PKNOX2: variants seen among roughly 807,000 people sequenced by gnomAD.
PKNOX2 encodes homeobox protein PKNOX2.
In PKNOX2, 14 loss-of-function variants were observed where a neutral mutation model predicts 53.1. The observed-to-expected ratio is 0.26, with a 90% CI of 0.17 to 0.41. PKNOX2 has a LOEUF of 0.41. Among genes scored for constraint, PKNOX2 ranks in the 10% least tolerant of loss-of-function variants. The pLI is 1.00. For missense variants in PKNOX2, 496 were observed against 602.8 expected, an observed-to-expected ratio of 0.82 and a Z score of 1.85; for synonymous variants, 257 against 242.8, an observed-to-expected ratio of 1.06 and a Z score of -0.54.
At chr11:125,301,736 C>T (rs1449883918) in intron 2 of PKNOX2, among the ~76,000 whole-genome samples, 2 of 151,978 alleles carry the variant, frequency 1.3e-5, no homozygotes, top group Non-Finnish European at 2.9e-5. Flanking sequence ...TCAGCTTGGG[C>T]ACAAGGCAGG....
chr11:125,275,026 A>G (rs1168914200), intron 2 of PKNOX2, among the ~76,000 whole-genome samples: 2 of 152,254 alleles, frequency 1.3e-5, no homozygotes, highest in Non-Finnish European at 2.9e-5. Context: ...TTGTAGGTTC[A>G]GAGAATAGTG....
chr11:125,376,820 A>T (rs965315156), intron 5 of PKNOX2, among the ~76,000 whole-genome samples: 15 of 152,238 alleles, frequency 9.9e-5, no homozygotes, highest in African/African-American at 3.1e-4. Context: ...GCCATGAGGA[A>T]GACAGTCCTG....
At chr11:125,178,446 G>T (rs2135247586) in intron 1 of PKNOX2, among the ~76,000 whole-genome samples, 1 of 151,158 alleles carries the variant, frequency 6.6e-6, no homozygotes, top group East Asian at 1.9e-4. Flanking sequence ...GGGAGGCGGA[G>T]GTTGCGGTGA....
chr11:125,400,607 G>T (rs992830143), intron 7 of PKNOX2, among the ~76,000 whole-genome samples: 1 of 152,118 alleles, frequency 6.6e-6, no homozygotes, highest in South Asian at 2.1e-4. Flanking sequence ...CTGTCTGTTC[G>T]GGTGACACCT....
At chr11:125,299,961 AG>A (rs1947926673) in intron 2 of PKNOX2, among the ~76,000 whole-genome samples, 1 of 152,216 alleles carries the variant, frequency 6.6e-6, no homozygotes, top group Non-Finnish European at 1.5e-5. Context: ...GCTTGATAGA[AG>A]GTGAGCCTTA....
chr11:125,271,455 C>T (rs536738026), intron 2 of PKNOX2, among the ~76,000 whole-genome samples: 13 of 152,184 alleles, frequency 8.5e-5, no homozygotes, highest in African/African-American at 1.2e-4. Context: ...TAATTTGCAC[C>T]GGGGTTTCTT....
At chr11:125,326,251 A>T (rs1019176192) in intron 2 of PKNOX2, among the ~76,000 whole-genome samples, 2 of 152,266 alleles carry the variant, frequency 1.3e-5, no homozygotes, top group Non-Finnish European at 2.9e-5. Context: ...GGCTGAGTTC[A>T]TTCGGCTGCA....
intron 3 of PKNOX2, among the ~76,000 whole-genome samples, chr11:125,348,086 C>T (rs1951085390): frequency 6.6e-6 from 1 of 152,208 alleles, no homozygotes; most frequent in Non-Finnish European, 1.5e-5. Context: ...GCAAAAAGGG[C>T]AGGCTTCCCC....
intron 4 of PKNOX2, among the ~76,000 whole-genome samples, chr11:125,351,609 G>C (rs544629507): frequency 6.6e-6 from 1 of 152,268 alleles, no homozygotes; most frequent in South Asian, 2.1e-4. Context: ...CAGACCCCAG[G>C]AGCTAGGACT....
At chr11:125,406,350 AC>A (rs2135514187) in intron 7 of PKNOX2, among the ~76,000 whole-genome samples, 1 of 152,242 alleles carries the variant, frequency 6.6e-6, no homozygotes, top group Admixed American at 6.5e-5. Flanking sequence ...CTGGGACTCG[AC>A]CATTGCCCAG....
intron 2 of PKNOX2, chr11:125,288,256 C>G (rs948444510): frequency 1.3e-5 from 2 of 152,262 alleles, no homozygotes; most frequent in Admixed American, 6.5e-5. Flanking sequence ...TCAACCCAGG[C>G]TGCACATGAG....
intron 2 of PKNOX2, among the ~76,000 whole-genome samples, chr11:125,260,673 G>A (rs1039525862): frequency 3.0e-4 from 45 of 152,250 alleles, no homozygotes; most frequent in African/African-American, 1.0e-3. Flanking sequence ...GCAGGCTTTC[G>A]TGAGTTGCAT....
At chr11:125,420,666 T>C (rs1956126093) in intron 10 of PKNOX2, among the ~76,000 whole-genome samples, 1 of 152,220 alleles carries the variant, frequency 6.6e-6, no homozygotes, top group South Asian at 2.1e-4. Flanking sequence ...TCTAAGCCTC[T>C]CTATCTTTTG....
chr11:125,197,601 C>T (rs899635448), intron 1 of PKNOX2, among the ~76,000 whole-genome samples: 4 of 152,096 alleles, frequency 2.6e-5, no homozygotes, highest in East Asian at 1.9e-4. Flanking sequence ...TTCTGGGGAC[C>T]CCGTAACAAC....
intron 1 of PKNOX2, among the ~76,000 whole-genome samples, chr11:125,167,330 C>G (rs1313694321): frequency 6.6e-6 from 1 of 152,184 alleles, no homozygotes; most frequent in African/African-American, 2.4e-5. Flanking sequence ...ACACGGAAGA[C>G]GCACGACCCA....
chr11:125,284,035 C>T (rs910440850), intron 2 of PKNOX2, among the ~76,000 whole-genome samples: 1 of 152,132 alleles, frequency 6.6e-6, no homozygotes. Context: ...AGCTATAGGA[C>T]CTCAGGCAAA....
rs1212970797 is a variant in PKNOX2, at chr11:125,333,391, C to T, written c.-23+1466C>T. Among the ~76,000 whole-genome samples, 5 of 152,242 alleles carry T rather than the reference C, an allele frequency of 3.3e-5. No homozygotes were observed. The East Asian group carries it at 9.7e-4, about 29-fold the overall frequency. On this transcript the variant is annotated intron_variant, in intron 3 of 12. Coordinates refer to ENST00000298282, the MANE Select transcript of PKNOX2 (RefSeq NM_001382323.2). ...GAGAATGGAGGTGTTCCTGCCATCACCTGCATGGTAGAATATGGGTAACAG... is the reference window on the plus strand; with the variant it reads ...GAGAATGGAGGTGTTCCTGCCATCATCTGCATGGTAGAATATGGGTAACAG...
chr11:125,252,728 G>A (rs1459483048), intron 2 of PKNOX2, among the ~76,000 whole-genome samples: 1 of 152,172 alleles, frequency 6.6e-6, no homozygotes, highest in East Asian at 1.9e-4. Flanking sequence ...GAGATGACCA[G>A]GCACAAATCC....
intron 4 of PKNOX2, among the ~76,000 whole-genome samples, chr11:125,365,829 T>G (rs1952160775): frequency 6.6e-6 from 1 of 152,218 alleles, no homozygotes; most frequent in Non-Finnish European, 1.5e-5. Context: ...ACACCATGTT[T>G]TCCTGATCTG....
Sources: allele counts gnomAD v4.1 joint callset (sites outside exome capture counted in the v4.1 genomes callset), GRCh38; gene constraint gnomAD v4.1.1; transcripts MANE v1.5; gene names NCBI Gene and HGNC (gene_info 2026-07-23, HGNC 2026-07-21).